Variants in EFCAB6 observed in about 807,000 individuals in gnomAD.
EFCAB6 encodes EF-hand calcium-binding domain-containing protein 6.
Under a neutral mutation model 169.8 loss-of-function variants are expected in EFCAB6, and 156 were observed. The ratio of observed to expected loss-of-function variants is 0.92; its 90% CI spans 0.81 to 1.05. The LOEUF is 1.05. EFCAB6 is among the 50% of genes least tolerant of loss of function. The pLI, the probability that EFCAB6 is intolerant of heterozygous loss-of-function variation, is 0.00. For synonymous variants in EFCAB6, 698 were observed against 676.4 expected, an observed-to-expected ratio of 1.03 and a Z score of -0.50; for missense variants, 1,800 against 1,829.1, an observed-to-expected ratio of 0.98 and a Z score of 0.29.
intron 21 of EFCAB6, among the ~76,000 whole-genome samples, chr22:43,613,656 T>A (rs933961355): frequency 1.3e-5 from 2 of 152,070 alleles, no homozygotes; most frequent in Non-Finnish European, 2.9e-5. Flanking sequence ...AGATAACTAT[T>A]GGGTATTAAG....
At chr22:43,564,442 T>C (rs531718097) in intron 26 of EFCAB6, among the ~76,000 whole-genome samples, 2 of 144,028 alleles carry the variant, frequency 1.4e-5, no homozygotes, top group African/African-American at 2.6e-5. Context: ...AGCAAAACTA[T>C]GTCTCAGAAA....
At chr22:43,622,229 T>C (rs1039626875) in intron 20 of EFCAB6, among the ~76,000 whole-genome samples, 1 of 152,198 alleles carries the variant, frequency 6.6e-6, no homozygotes, top group East Asian at 1.9e-4. Context: ...CTTTTATTAT[T>C]CTTAGATGTC....
chr22:43,802,642 A>G (rs894482258), intron 2 of EFCAB6: 3 of 490,792 alleles, frequency 6.1e-6, no homozygotes, highest in African/African-American at 5.9e-5. Flanking sequence ...GGGCCCCTAC[A>G]AAGAAGAGAG....
At position 43,671,968 on chromosome 22, in the gene EFCAB6, C is replaced by G. The variant is rs751210027; in HGVS notation, c.1640+5G>C. On this transcript the variant is annotated splice_donor_5th_base_variant and intron_variant, in intron 15 of 31. Transcript: ENST00000262726. ...CATGAATTAATTTTGTTACAAAAAA[C>G]TTACTTTATGAAATGTGCATTCGTT... 1 of 1,610,794 alleles carries G rather than the reference C, an allele frequency of 6.2e-7. No individual in the cohort carries two copies. The highest frequency in any genetic ancestry group is 1.7e-5 in the Admixed American group (1 of 59,254).
intron 21 of EFCAB6, among the ~76,000 whole-genome samples, chr22:43,610,714 T>A (rs1006291): frequency 0.51 from 77,966 of 151,980 alleles, 20,358 homozygotes; most frequent in East Asian, 0.62. Context: ...TATACTTCAT[T>A]GTAGAGTCAT....
intron 19 of EFCAB6, 108 bp from the exon 20 acceptor site, chr22:43,626,787 G>A: frequency 2.0e-6 from 2 of 986,276 alleles, no homozygotes; most frequent in South Asian, 1.5e-5. Flanking sequence ...GGGGCAGCTT[G>A]GCTGGGCCCC....
At chr22:43,616,404 T>C (rs1408967261) in intron 20 of EFCAB6, among the ~76,000 whole-genome samples, 1 of 152,226 alleles carries the variant, frequency 6.6e-6, no homozygotes, top group East Asian at 1.9e-4. Context: ...GGCTCACGCC[T>C]GTAATCCCAG....
intron 8 of EFCAB6, among the ~76,000 whole-genome samples, chr22:43,720,371 G>A (rs1367671325): frequency 6.6e-6 from 1 of 151,848 alleles, no homozygotes; most frequent in Non-Finnish European, 1.5e-5. Flanking sequence ...AAATAGCCGG[G>A]CACAGTAGCA....
chr22:43,701,343 A>G (rs545506046), intron 10 of EFCAB6, among the ~76,000 whole-genome samples: 4 of 152,376 alleles, frequency 2.6e-5, no homozygotes, highest in Admixed American at 2.0e-4. Flanking sequence ...TGACATTATT[A>G]GTCATAAGTC....
At chr22:43,653,329 A>G (rs912182095) in intron 17 of EFCAB6, among the ~76,000 whole-genome samples, 3 of 151,410 alleles carry the variant, frequency 2.0e-5, no homozygotes, top group Non-Finnish European at 4.4e-5. Context: ...GCTAGAGAAA[A>G]AAAAGACACA....
intron 1 of EFCAB6, among the ~76,000 whole-genome samples, chr22:43,809,515 T>C (rs868751448): frequency 2.6e-5 from 4 of 152,180 alleles, no homozygotes; most frequent in East Asian, 1.9e-4. Flanking sequence ...AGTCCTGGAG[T>C]TGGAGCCATA....
chr22:43,715,709 T>C (rs1042130649), intron 9 of EFCAB6, among the ~76,000 whole-genome samples: 9 of 152,232 alleles, frequency 5.9e-5, no homozygotes, highest in African/African-American at 1.9e-4. Flanking sequence ...GAATAGTTTA[T>C]TACTTTCTTC....
chr22:43,591,475 AG>A (rs374605540), intron 23 of EFCAB6, among the ~76,000 whole-genome samples: 3 of 136,414 alleles, frequency 2.2e-5, no homozygotes, highest in Admixed American at 1.5e-4. Flanking sequence ...AAAAAAAAAA[AG>A]AAAAGAAAAA....
chr22:43,678,660 C>T (rs1326545913), intron 12 of EFCAB6, among the ~76,000 whole-genome samples: 1 of 152,120 alleles, frequency 6.6e-6, no homozygotes, highest in Non-Finnish European at 1.5e-5. Flanking sequence ...AACTACTTTG[C>T]TAGAAAAATT....
chr22:43,685,970 A>T (rs1439083184), intron 11 of EFCAB6, among the ~76,000 whole-genome samples: 2 of 100,518 alleles, frequency 2.0e-5, no homozygotes. Flanking sequence ...AATGTAAATA[A>T]ATATTTTTAA....
chr22:43,764,283 T>C (rs1445284801), intron 5 of EFCAB6, among the ~76,000 whole-genome samples: 1 of 152,168 alleles, frequency 6.6e-6, no homozygotes, highest in African/African-American at 2.4e-5. Context: ...TAGCTCCCAC[T>C]TGTAAGTGAG....
chr22:43,779,219 A>G (rs1375320090), intron 3 of EFCAB6, among the ~76,000 whole-genome samples: 2 of 152,246 alleles, frequency 1.3e-5, no homozygotes, highest in Non-Finnish European at 2.9e-5. Context: ...ACTCGTGACT[A>G]TGAACTCAGG....
At chr22:43,686,326 G>C (rs1460915743) in intron 11 of EFCAB6, among the ~76,000 whole-genome samples, 1 of 151,386 alleles carries the variant, frequency 6.6e-6, no homozygotes, top group Admixed American at 6.6e-5. Context: ...TCATGATTTT[G>C]ATCTTCTGAG....
At chr22:43,543,011 T>G (rs996039662) in intron 27 of EFCAB6, among the ~76,000 whole-genome samples, 2 of 152,138 alleles carry the variant, frequency 1.3e-5, no homozygotes, top group Non-Finnish European at 2.9e-5. Context: ...CCCACTCTGC[T>G]TACGATGTAG....
Sources: gnomAD v4.1 joint callset for allele counts (sites outside exome capture counted in the v4.1 genomes callset) on GRCh38, gnomAD v4.1.1 for gene constraint, MANE v1.5 for transcripts, NCBI Gene and HGNC (gene_info 2026-07-23, HGNC 2026-07-21) for gene names.